The following PHLDB1 variants were observed in gnomAD, a reference collection of about 807,000 sequenced individuals.
The protein encoded by PHLDB1 is pleckstrin homology like domain family B member 1, also known as pleckstrin homology-like domain family B member 1.
A neutral mutation model predicts 139.3 loss-of-function variants in PHLDB1; 65 were observed. The ratio of observed to expected loss-of-function variants is 0.47; its 90% CI spans 0.38 to 0.57. The LOEUF (loss-of-function observed/expected upper bound fraction) is 0.57. Ranked by LOEUF, PHLDB1 falls within the 20% of genes least tolerant of loss-of-function variation. The probability of loss-of-function intolerance (pLI) is 0.00; values close to 1 mark genes in which losing one functional copy is unlikely to be tolerated. For synonymous variants in PHLDB1, 679 were observed against 734.5 expected, an observed-to-expected ratio of 0.92 and a Z score of 1.22; for missense variants, 1,624 against 1,839.7, an observed-to-expected ratio of 0.88 and a Z score of 2.14.
chr11:118,656,025 G>T, intron 22 of PHLDB1, 133 bp downstream of exon 22: 1 of 719,058 alleles, frequency 1.4e-6, no homozygotes. Flanking sequence ...AGGTTGCAAA[G>T]AGCAAGAAGC....
chr11:118,622,412 G>T (rs782454525), intron 4 of PHLDB1, among the ~76,000 whole-genome samples: 8 of 152,342 alleles, frequency 5.3e-5, no homozygotes, highest in Middle Eastern at 3.4e-3. Flanking sequence ...CTGCCCTCCT[G>T]CCCGCTCTAT....
At chr11:118,641,345 G>A (rs1347524702) in intron 12 of PHLDB1, 2 of 175,622 alleles carry the variant, frequency 1.1e-5, no homozygotes, top group Non-Finnish European at 2.4e-5. Context: ...GACAGTGAGG[G>A]AGAAGGGCAG....
At chr11:118,638,780 T>C in intron 10 of PHLDB1, 111 bp from the exon 11 acceptor site, 4 of 767,332 alleles carry the variant, frequency 5.2e-6, no homozygotes, top group Non-Finnish European at 8.3e-6. Context: ...GAAGAGCTGG[T>C]TGATCCCCTT....
chr11:118,641,311 A>C (rs574850345), intron 12 of PHLDB1: 3 of 159,410 alleles, frequency 1.9e-5, no homozygotes, highest in African/African-American at 7.2e-5. Flanking sequence ...GGGTGGAGCT[A>C]GGGGGACAGA....
chr11:118,627,228 G>A (rs1244794152), intron 5 of PHLDB1, 77 bp from the exon 6 acceptor site: 11 of 1,414,464 alleles, frequency 7.8e-6, no homozygotes, highest in Admixed American at 1.9e-5. Flanking sequence ...CACTGTGCTA[G>A]GAGGAGGGGG....
chr11:118,613,950 C>A (rs1941042579), intron 2 of PHLDB1, 54 bp downstream of exon 2: 1 of 1,123,694 alleles, frequency 8.9e-7, no homozygotes, highest in Non-Finnish European at 1.3e-6. Flanking sequence ...ATGGGATCAG[C>A]TCTTCTACCC....
intron 10 of PHLDB1, among the ~76,000 whole-genome samples, chr11:118,635,916 C>G (rs1236047619): frequency 6.6e-6 from 1 of 152,182 alleles, no homozygotes; most frequent in East Asian, 1.9e-4. Context: ...CTGGGACACA[C>G]AGAAAGATTT....
At chr11:118,635,290 C>T in intron 9 of PHLDB1, 103 bp from the exon 10 acceptor site, 1 of 1,362,766 alleles carries the variant, frequency 7.3e-7, no homozygotes, top group Middle Eastern at 1.9e-4. Flanking sequence ...ACCCAATTTC[C>T]CCGGGTCCAG....
In PHLDB1 at chr11:118,610,473, G is replaced by T; in HGVS notation, c.-22+2774G>T. On this transcript the variant is annotated intron_variant, in intron 1 of 22. Coordinates refer to ENST00000600882, the MANE Select transcript of PHLDB1 (RefSeq NM_001144758.3). The surrounding 1 kb of genome is among the most constrained non-coding windows in gnomAD (Gnocchi z 8.7). ...CCCAGCTCGGCCTGGCGGGCCTCTG[G>T]CCACAGCCATGCACCGCTTGGGCCG... The T allele has an allele frequency of 1.2e-6, 1 of 815,726 alleles. No individual in the cohort carries two copies. Among genetic ancestry groups the T allele is most frequent in the Non-Finnish European group, 1.5e-6 (1 of 677,066 alleles). 50.5% of individuals were successfully genotyped at this position (815,726 alleles called of 1,614,324 possible).
At chr11:118,646,109 A>G (rs1947469617) in intron 17 of PHLDB1, among the ~76,000 whole-genome samples, 2 of 152,082 alleles carry the variant, frequency 1.3e-5, no homozygotes, top group African/African-American at 4.8e-5. Context: ...AAATACAAAA[A>G]ATTAGCTGGG....
At chr11:118,643,048 A>T (rs1045573138) in intron 13 of PHLDB1, among the ~76,000 whole-genome samples, 72 of 152,312 alleles carry the variant, frequency 4.7e-4, no homozygotes, top group Admixed American at 4.6e-3. Flanking sequence ...TCACCCCTTG[A>T]GTGAAGGCAC....
chr11:118,628,431 C>T lies in PHLDB1; in HGVS notation c.1608C>T (p.Gly536=), dbSNP rs782182655. Residue 536 remains glycine (G), a synonymous_variant, in exon 6 of 23, where the codon GGC becomes GGT. Transcript: ENST00000600882. The part of the protein sequence containing the change: ...SLAPHKGSFS[G]RLSPAYSLGS... Reference sequence around the variant, plus strand: ...CACCCCACAAGGGCAGCTTCAGTGGCAGGCTGAGCCCAGCCTACAGTCTGG... The same window carrying T: ...CACCCCACAAGGGCAGCTTCAGTGGTAGGCTGAGCCCAGCCTACAGTCTGG... 8 of 1,609,700 alleles carry T rather than the reference C, an allele frequency of 5.0e-6. No homozygotes were observed. The highest frequency in any genetic ancestry group is 6.8e-6 in the Non-Finnish European group (8 of 1,178,432).
intron 4 of PHLDB1, among the ~76,000 whole-genome samples, chr11:118,616,464 TTC>T (rs1478546883): frequency 1.3e-5 from 2 of 152,010 alleles, no homozygotes; most frequent in African/African-American, 4.8e-5. Flanking sequence ...AGAGAAGAGG[TTC>T]TGATTCCCGC....
rs782672711 is a variant in PHLDB1 at position 118,635,555 on chromosome 11, C to G, written c.2535+7C>G. 2.6e-6 allele frequency: 4 copies of G among 1,524,982 alleles called. No individual in the cohort carries two copies. The African/African-American group carries it at 5.6e-5, about 21-fold the overall frequency. The allele number at this position is 1,524,982 out of a possible 1,614,324, so 94.5% of individuals were successfully genotyped here. A position where few individuals can be genotyped will look rare whatever the true frequency, so the allele number is the denominator to read the frequency against. ...CAGCATCGCCAAGAGGAAGGTGTGC[C>G]CCACCTCGTTCCCTGCTGCGTGCTG... On this transcript the variant is annotated splice_region_variant and intron_variant, in intron 10 of 22. Transcript: ENST00000600882.
At chr11:118,625,647 T>A (rs1555100497) in intron 5 of PHLDB1, among the ~76,000 whole-genome samples, 1 of 152,154 alleles carries the variant, frequency 6.6e-6, no homozygotes, top group Non-Finnish European at 1.5e-5. Flanking sequence ...GGGTTTACCA[T>A]CTCAGACTTT....
Position 118,611,967 on chromosome 11 carries a change from A to G in PHLDB1, c.-21-1849A>G, listed in dbSNP as rs1940487107. Reference sequence around the variant, plus strand: ...TGAGGTATAATTTATATACTATAACATCCACCCAATTTAAGTATGCAATTA... The same window carrying G: ...TGAGGTATAATTTATATACTATAACGTCCACCCAATTTAAGTATGCAATTA... On this transcript the variant is annotated intron_variant, in intron 1 of 22. Coordinates refer to ENST00000600882, the MANE Select transcript of PHLDB1 (RefSeq NM_001144758.3). The surrounding 1 kb of genome is among the most constrained non-coding windows in gnomAD (Gnocchi z 4.7). Among the ~76,000 whole-genome samples the G allele has an allele frequency of 6.6e-6, 1 of 152,084 alleles. No individual in the cohort carries two copies. The highest frequency in any genetic ancestry group is 1.5e-5 in the Non-Finnish European group (1 of 68,028).
chr11:118,642,277 T>C lies in PHLDB1; in HGVS notation c.2760T>C (p.Ala920=). 1 of 1,613,234 alleles carries C rather than the reference T, an allele frequency of 6.2e-7. No individual in the cohort carries two copies. The highest frequency in any genetic ancestry group is 8.5e-7 in the Non-Finnish European group (1 of 1,179,980). ...AGATGGAGAAGCTGCTGCTCCCTGC[T>C]GTAGACTTAGAGCAGTGGTACCAGG... The part of the protein sequence containing the change: ...LKEMEKLLLP[A]VDLEQWYQEL... The change falls in exon 13 of 23, where the codon GCT becomes GCC. Residue 920 remains alanine (A), a synonymous_variant. Coordinates refer to ENST00000600882, the MANE Select transcript of PHLDB1 (RefSeq NM_001144758.3).
intron 18 of PHLDB1, among the ~76,000 whole-genome samples, chr11:118,648,395 G>A (rs1947890061): frequency 1.3e-5 from 2 of 151,414 alleles, no homozygotes; most frequent in African/African-American, 4.9e-5. Flanking sequence ...CAGAGAAGAG[G>A]GTCTGGACAG....
At chr11:118,641,595 C>T (rs1424339420) in intron 12 of PHLDB1, 5 of 1,262,016 alleles carry the variant, frequency 4.0e-6, no homozygotes, top group African/African-American at 1.5e-5. Flanking sequence ...TTCCCTCCTG[C>T]GTCTGGCCTT....
Sources: gnomAD v4.1 joint callset for allele counts (sites outside exome capture counted in the v4.1 genomes callset) on GRCh38, gnomAD v4.1.1 for gene constraint, Gnocchi (gnomAD v3.1) non-coding constraint, MANE v1.5 for transcripts, NCBI Gene and HGNC (gene_info 2026-07-23, HGNC 2026-07-21) for gene names.